The following PCDH15 variants were observed in gnomAD, a reference collection of about 807,000 sequenced individuals.
PCDH15 encodes the protein protocadherin related 15.
Under a neutral mutation model 178.5 loss-of-function variants are expected in PCDH15, and 129 were observed. That is an observed-to-expected ratio of 0.72 (90% CI 0.63 to 0.84). The LOEUF is 0.84. Among genes scored for constraint, PCDH15 ranks in the 40% least tolerant of loss-of-function variants. PCDH15 has a pLI of 0.00. For missense variants in PCDH15, 2,230 were observed against 2,099.9 expected, an observed-to-expected ratio of 1.06 and a Z score of -1.21; for synonymous variants, 800 against 732.0, an observed-to-expected ratio of 1.09 and a Z score of -1.50.
chr10:54,430,077 A>G (rs566348265), intron 3 of PCDH15, among the ~76,000 whole-genome samples: 11 of 139,942 alleles, frequency 7.9e-5, no homozygotes, highest in African/African-American at 2.9e-4. Flanking sequence ...TTTTTTAAAG[A>G]CAGAGCCTGG....
intron 32 of PCDH15, chr10:53,821,720 T>G: frequency 1.3e-6 from 2 of 1,492,948 alleles, no homozygotes; most frequent in East Asian, 2.4e-5. Flanking sequence ...TCTTTTTAAA[T>G]TAAAAACGAG....
chr10:55,209,279 A>G (rs566911720), intron 1 of PCDH15, among the ~76,000 whole-genome samples: 1 of 152,178 alleles, frequency 6.6e-6, no homozygotes, highest in Non-Finnish European at 1.5e-5. Context: ...GAGATGATGC[A>G]GAACCTTAAA....
intron 15 of PCDH15, among the ~76,000 whole-genome samples, chr10:54,121,894 A>T (rs1395648898): frequency 6.6e-6 from 1 of 152,044 alleles, no homozygotes; most frequent in Non-Finnish European, 1.5e-5. Context: ...TCCAAAGAAG[A>T]GCTGATAGTA....
chr10:54,651,906 G>A (rs2094271035), intron 2 of PCDH15, among the ~76,000 whole-genome samples: 1 of 151,698 alleles, frequency 6.6e-6, no homozygotes, highest in Non-Finnish European at 1.5e-5. Flanking sequence ...ATGTGACAAA[G>A]GTGTAAAATT....
At chr10:54,498,130 A>G (rs767612521) in intron 3 of PCDH15, among the ~76,000 whole-genome samples, 17 of 152,186 alleles carry the variant, frequency 1.1e-4, no homozygotes, top group Non-Finnish European at 2.1e-4. Flanking sequence ...TTTACAGGCC[A>G]GAACAAACTG....
At chr10:55,389,772 C>A (rs963838118) in intron 2 of PCDH15, among the ~76,000 whole-genome samples, 1 of 152,026 alleles carries the variant, frequency 6.6e-6, no homozygotes, top group Non-Finnish European at 1.5e-5. Context: ...GTTGAAACAA[C>A]CCTAAAGTCC....
chr10:54,339,565 T>A (rs187468271), intron 6 of PCDH15, among the ~76,000 whole-genome samples: 73 of 152,324 alleles, frequency 4.8e-4, no homozygotes, highest in African/African-American at 1.6e-3. Context: ...AATGAACTTA[T>A]ACAAAAGAAA....
chr10:54,317,272 G>A lies in PCDH15; in HGVS notation c.875C>T (p.Pro292Leu), dbSNP rs138744579. ...GGAGAAAGATAAGAGTATATTTACCGGAGTTCTCAACTCAGGTATGGCAGC... is the reference window on the plus strand; with the variant it reads ...GGAGAAAGATAAGAGTATATTTACCAGAGTTCTCAACTCAGGTATGGCAGC... ...YQAAIPELRT[P>L]EELNPIIVTP... Residue 292 changes from proline (P) to leucine (L), a missense_variant and splice_region_variant, in exon 8 of 38, where the codon CCG becomes CTG. Coordinates refer to ENST00000644397, the MANE Select transcript of PCDH15 (RefSeq NM_001384140.1). 77 of 1,612,232 alleles carry A rather than the reference G, an allele frequency of 4.8e-5. No individual in the cohort carries two copies. The highest frequency in any genetic ancestry group is 2.4e-4 in the African/African-American group (18 of 74,950).
chr10:54,436,071 G>C (rs1299502429), intron 3 of PCDH15, among the ~76,000 whole-genome samples: 9 of 144,518 alleles, frequency 6.2e-5, no homozygotes, highest in Admixed American at 5.5e-4. Context: ...AAGAAAGAAA[G>C]AAGGAAGGAA....
intron 8 of PCDH15, among the ~76,000 whole-genome samples, chr10:54,244,605 T>C (rs1210767735): frequency 6.6e-6 from 1 of 152,210 alleles, no homozygotes; most frequent in African/African-American, 2.4e-5. Context: ...GAATATGCAT[T>C]TCACAGATGT....
intron 2 of PCDH15, among the ~76,000 whole-genome samples, chr10:55,502,539 A>G (rs1164600715): frequency 6.6e-6 from 1 of 151,738 alleles, no homozygotes; most frequent in Non-Finnish European, 1.5e-5. Flanking sequence ...GCAGTGATAA[A>G]GTTTGTTTTC....
intron 2 of PCDH15, among the ~76,000 whole-genome samples, chr10:55,538,860 TCC>T (rs1564442603): frequency 1.8e-3 from 170 of 95,480 alleles, no homozygotes; most frequent in African/African-American, 2.8e-3. Context: ...CTTCCTTCCT[TCC>T]TCCTTTCCTT....
intron 3 of PCDH15, among the ~76,000 whole-genome samples, chr10:54,395,465 A>ACT (rs1050304064): frequency 2.0e-5 from 3 of 150,758 alleles, no homozygotes; most frequent in Non-Finnish European, 3.0e-5. Context: ...TTAAGAACCC[A>ACT]CTAAATATTG....
At chr10:54,823,602 T>G (rs890149103) in intron 3 of PCDH15, among the ~76,000 whole-genome samples, 2 of 152,052 alleles carry the variant, frequency 1.3e-5, no homozygotes, top group African/African-American at 4.8e-5. Flanking sequence ...TGAATCTAAT[T>G]TCCTCTGATC....
rs1841682926 is a variant in PCDH15, at chr10:55,538,881, C to CTTT, written c.-156+88743_-156+88744insAAA. Among the ~76,000 whole-genome samples the CTTT allele has an allele frequency of 1.1e-4, 6 of 52,474 alleles. 2 individuals carry two copies. Among genetic ancestry groups the CTTT allele is most frequent in the Non-Finnish European group, 1.8e-4 (5 of 27,858 alleles). The allele number at this position is 52,474 out of a possible 152,430, so 34.4% of individuals were successfully genotyped here. On this transcript the variant is annotated intron_variant, in intron 2 of 5. Coordinates refer to the PCDH15 transcript ENST00000613346. ...TCCTTCCTCCTTTCCTTCCTTCCTC[C>CTTT]CTTCCTTCCTTTCCTTCCTTCCTTC... is the stretch of plus-strand genomic sequence containing the variant.
intron 25 of PCDH15, among the ~76,000 whole-genome samples, chr10:53,910,811 A>C (rs2083033482): frequency 6.6e-6 from 1 of 152,202 alleles, no homozygotes; most frequent in South Asian, 2.1e-4. Context: ...AGTGTAGAGA[A>C]GACCTTAAAT....
chr10:54,660,609 A>G (rs1417366889), intron 2 of PCDH15, among the ~76,000 whole-genome samples: 2 of 152,156 alleles, frequency 1.3e-5, no homozygotes, highest in African/African-American at 2.4e-5. Flanking sequence ...AACTCATTCT[A>G]TGAAACCAGT....
intron 3 of PCDH15, among the ~76,000 whole-genome samples, chr10:54,813,963 A>G (rs1399519131): frequency 6.6e-6 from 1 of 152,190 alleles, no homozygotes; most frequent in African/African-American, 2.4e-5. Flanking sequence ...TTAATAAAGC[A>G]TGTCACAATC....
At chr10:53,917,628 C>T (rs763929913) in intron 25 of PCDH15, among the ~76,000 whole-genome samples, 5 of 152,130 alleles carry the variant, frequency 3.3e-5, no homozygotes, top group Non-Finnish European at 5.9e-5. Flanking sequence ...GATATTAACA[C>T]TATGTTCTTT....
Sources: allele counts gnomAD v4.1 joint callset (sites outside exome capture counted in the v4.1 genomes callset), GRCh38; gene constraint gnomAD v4.1.1; transcripts MANE v1.5; gene names NCBI Gene and HGNC (gene_info 2026-07-23, HGNC 2026-07-21).